Variants in IL17RD observed in about 807,000 individuals in gnomAD.
IL17RD encodes the protein interleukin 17 receptor D.
Under a neutral mutation model 80.5 loss-of-function variants are expected in IL17RD, and 52 were observed. That is an observed-to-expected ratio of 0.65 (90% CI 0.52 to 0.81). IL17RD has a LOEUF of 0.81. IL17RD is among the 40% of genes least tolerant of loss of function. The pLI is 0.00. For synonymous variants in IL17RD, 416 were observed against 391.8 expected, an observed-to-expected ratio of 1.06 and a Z score of -0.73; for missense variants, 1,024 against 955.1, an observed-to-expected ratio of 1.07 and a Z score of -0.95.
At chr3:57,118,791 G>A (rs1370065233) in intron 2 of IL17RD, among the ~76,000 whole-genome samples, 1 of 152,138 alleles carries the variant, frequency 6.6e-6, no homozygotes, top group Admixed American at 6.5e-5. Flanking sequence ...CCCAAGTTGA[G>A]CAGTTATAAG....
rs1227955253 is a variant in IL17RD at position 57,093,519 on chromosome 3, T to C, written c.*2874A>G. 4 of 152,250 alleles carry C rather than the reference T, an allele frequency of 2.6e-5. No homozygotes were observed. Among genetic ancestry groups the C allele is most frequent in the African/African-American group, 9.6e-5 (4 of 41,456 alleles). 9.4% of individuals were successfully genotyped at this position (152,250 alleles called of 1,614,324 possible). A position where few individuals can be genotyped will look rare whatever the true frequency, so the allele number is the denominator to read the frequency against. On this transcript the variant is annotated 3_prime_UTR_variant, in exon 13 of 13. Transcript: ENST00000296318. ...TGAAAATCATGTAACCCCACATTTT[T>C]TGAAGGACAGTCTTCCTGCTTATTT...
At chr3:57,150,968 G>T (rs1047874258) in intron 1 of IL17RD, among the ~76,000 whole-genome samples, 1 of 152,168 alleles carries the variant, frequency 6.6e-6, no homozygotes, top group African/African-American at 2.4e-5. Context: ...GATGATCAAA[G>T]AAAAGGCATG....
chr3:57,164,780 C>G, intron 1 of IL17RD: 1 of 553,724 alleles, frequency 1.8e-6, no homozygotes, highest in African/African-American at 2.1e-5. Context: ...GCAACCCGGT[C>G]CGGGTGGCTC....
chr3:57,110,092 C>A, intron 4 of IL17RD, 101 bp downstream of exon 4: 1 of 1,374,124 alleles, frequency 7.3e-7, no homozygotes. Context: ...GTGGGGTGGA[C>A]CCCATAGCCC....
intron 1 of IL17RD, among the ~76,000 whole-genome samples, chr3:57,123,282 C>T (rs1253080925): frequency 1.3e-5 from 2 of 152,318 alleles, no homozygotes; most frequent in African/African-American, 4.8e-5. Context: ...GCTCTGGCCA[C>T]GTGCATATCT....
At chr3:57,097,531 G>A in intron 12 of IL17RD, 65 bp downstream of exon 12, 1 of 1,306,226 alleles carries the variant, frequency 7.7e-7, no homozygotes, top group Non-Finnish European at 1.1e-6. Context: ...AAAACGCTTT[G>A]ACTGATTTCA....
chr3:57,106,254 T>G lies in IL17RD; in HGVS notation c.551-100A>C, dbSNP rs926209756. On this transcript the variant is annotated intron_variant, in intron 5 of 12. Coordinates refer to ENST00000296318, the MANE Select transcript of IL17RD (RefSeq NM_017563.5). ...AATATAAAGATACTGTGCCGGGTGA[T>G]GCTAGAAAAGGTATAAAATACATCA... is the stretch of plus-strand genomic sequence containing the variant. 21 of 850,204 alleles carry G rather than the reference T, an allele frequency of 2.5e-5. No homozygotes were observed. The East Asian group carries it at 2.6e-4, about 11-fold the overall frequency. 52.7% of individuals were successfully genotyped at this position (850,204 alleles called of 1,614,324 possible).
chr3:57,141,702 T>A (rs927696807), intron 1 of IL17RD, among the ~76,000 whole-genome samples: 6 of 152,140 alleles, frequency 3.9e-5, no homozygotes, highest in African/African-American at 7.2e-5. Context: ...ACACTCTAAG[T>A]TTCTTTTGCA....
intron 1 of IL17RD, among the ~76,000 whole-genome samples, chr3:57,139,408 T>A (rs1707788673): frequency 6.6e-6 from 1 of 152,196 alleles, no homozygotes; most frequent in Non-Finnish European, 1.5e-5. Flanking sequence ...TTTAAATTTT[T>A]TATTTTGAAT....
rs61288852 is a variant in IL17RD, at chr3:57,127,337, A to T, written c.127-7024T>A. Among the ~76,000 whole-genome samples the T allele has an allele frequency of 1.3e-3, 95 of 75,720 alleles. 9 individuals are homozygous for T. Among genetic ancestry groups the T allele is most frequent in the African/African-American group, 6.0e-3 (69 of 11,538 alleles). 49.7% of individuals were successfully genotyped at this position (75,720 alleles called of 152,430 possible). A position where few individuals can be genotyped will look rare whatever the true frequency, so the allele number is the denominator to read the frequency against. On this transcript the variant is annotated intron_variant, in intron 1 of 12. Transcript: ENST00000296318. ...ATAAAAATATATATAAATATATATAAAAATATATATAAATATATATAAATA... is the reference window on the plus strand; with the variant it reads ...ATAAAAATATATATAAATATATATATAAATATATATAAATATATATAAATA...
At position 57,097,689 on chromosome 3, in the gene IL17RD, A is replaced by G. The variant is rs1322129912; in HGVS notation, c.2014T>C (p.Ser672Pro). The change falls in exon 12 of 13, where the codon TCC (serine) becomes CCC (proline). Residue 672 changes from serine to proline, a missense_variant. By Grantham distance (74) the Ser-to-Pro change is moderately conservative. Coordinates refer to ENST00000296318, the MANE Select transcript of IL17RD (RefSeq NM_017563.5). ...TCCATCAGTGGCAGAGACAGCTCGG[A>G]TGAGGGCACAGACGAGTCATAGATG... ...SGIYDSSVPS[S>P]ELSLPLMEGL... The G allele has an allele frequency of 6.2e-7, 1 of 1,606,414 alleles. No individual in the cohort carries two copies. Among genetic ancestry groups the G allele is most frequent in the Admixed American group, 1.7e-5 (1 of 58,904 alleles).
chr3:57,127,189 T>TATATATAAAAATATATATAAAA (rs1707477428), intron 1 of IL17RD, among the ~76,000 whole-genome samples: 1 of 112,616 alleles, frequency 8.9e-6, no homozygotes, highest in Non-Finnish European at 1.7e-5. Context: ...CTCATATATA[T>TATATATAAAAATATATATAAAA]ATATATATAA....
intron 3 of IL17RD, among the ~76,000 whole-genome samples, chr3:57,112,316 G>A (rs895933192): frequency 2.0e-5 from 3 of 152,214 alleles, no homozygotes; most frequent in Admixed American, 2.0e-4. Flanking sequence ...TAACTGGCTT[G>A]CCCAGGGTCA....
chr3:57,127,009 G>A (rs1378864607), intron 1 of IL17RD, among the ~76,000 whole-genome samples: 1 of 150,996 alleles, frequency 6.6e-6, no homozygotes, highest in South Asian at 2.1e-4. Flanking sequence ...ATTTGTAGTA[G>A]AGACAGGGTT....
intron 1 of IL17RD, among the ~76,000 whole-genome samples, chr3:57,132,471 C>T (rs530829173): frequency 5.5e-4 from 84 of 152,090 alleles, no homozygotes; most frequent in Admixed American, 1.1e-3. Flanking sequence ...AAAACAACAA[C>T]AACAACAAAA....
At chr3:57,167,538 G>A (rs1007524294), upstream of IL17RD, among the ~76,000 whole-genome samples, 1 of 152,150 alleles carries the variant, frequency 6.6e-6, no homozygotes. Context: ...AAACAATGAG[G>A]CGACCAGCTC....
Position 57,127,353 on chromosome 3 carries a change from TATATAA to T in IL17RD, c.127-7046_127-7041del, listed in dbSNP as rs1423317163. ...ATATATATAAAAATATATATAAATATATATAAATATAAATATATATATATAAATAAA... is the reference window on the plus strand; with the variant it reads ...ATATATATAAAAATATATATAAATATATATAAATATATATATATAAATAAA... On this transcript the variant is annotated intron_variant, in intron 1 of 12. Coordinates refer to ENST00000296318, the MANE Select transcript of IL17RD (RefSeq NM_017563.5). 1.4e-4 allele frequency among the ~76,000 whole-genome samples: 14 copies of T among 100,900 alleles called. 2 individuals are homozygous for T. Among genetic ancestry groups the T allele is most frequent in the East Asian group, 6.5e-4 (2 of 3,088 alleles). The allele number at this position is 100,900 out of a possible 152,430, so 66.2% of individuals were successfully genotyped here.
intron 1 of IL17RD, among the ~76,000 whole-genome samples, chr3:57,133,168 A>C (rs1248610878): frequency 6.6e-6 from 1 of 152,236 alleles, no homozygotes; most frequent in African/African-American, 2.4e-5. Flanking sequence ...GAATGTTACA[A>C]GTTTCAAAGC....
chr3:57,112,987 T>C (rs1304059052), intron 3 of IL17RD, among the ~76,000 whole-genome samples: 1 of 152,126 alleles, frequency 6.6e-6, no homozygotes, highest in Non-Finnish European at 1.5e-5. Context: ...GCAGTTCTCA[T>C]CTCCCCTCTA....
Sources: allele counts gnomAD v4.1 joint callset (sites outside exome capture counted in the v4.1 genomes callset), GRCh38; gene constraint gnomAD v4.1.1; transcripts MANE v1.5; gene names NCBI Gene and HGNC (gene_info 2026-07-23, HGNC 2026-07-21).